The following SEZ6L variants were observed in gnomAD, a reference collection of about 807,000 sequenced individuals.
SEZ6L encodes the protein seizure related 6 homolog like, also known as seizure 6-like protein.
A neutral mutation model predicts 106.2 loss-of-function variants in SEZ6L; 37 were observed. That is an observed-to-expected ratio of 0.35 (90% CI 0.27 to 0.46). The LOEUF is 0.46. Ranked by LOEUF, SEZ6L falls within the 20% of genes least tolerant of loss-of-function variation. SEZ6L has a pLI of 1.00. For missense variants in SEZ6L, 1,172 were observed against 1,332.8 expected (o/e 0.88, Z 1.88); for synonymous variants, 541 against 570.4 (o/e 0.95, Z 0.73).
At chr22:26,321,518 G>A (rs1179321832) in intron 9 of SEZ6L, among the ~76,000 whole-genome samples, 2 of 152,184 alleles carry the variant, frequency 1.3e-5, no homozygotes, top group African/African-American at 2.4e-5. Context: ...CGAGGCTCAC[G>A]CCGACAAGCT....
intron 6 of SEZ6L, among the ~76,000 whole-genome samples, chr22:26,307,809 C>T (rs2081681862): frequency 1.3e-5 from 2 of 152,154 alleles, no homozygotes; most frequent in Admixed American, 1.3e-4. Context: ...TAAGTTTATA[C>T]TAGACAACAA....
intron 9 of SEZ6L, among the ~76,000 whole-genome samples, chr22:26,332,895 C>T (rs1310921176): frequency 2.6e-5 from 4 of 152,204 alleles, no homozygotes; most frequent in South Asian, 2.1e-4. Context: ...CATCAAAAGA[C>T]GTAGGTTTGA....
At chr22:26,245,603 G>C (rs2145781400) in intron 1 of SEZ6L, among the ~76,000 whole-genome samples, 1 of 152,234 alleles carries the variant, frequency 6.6e-6, no homozygotes, top group South Asian at 2.1e-4. Flanking sequence ...ACAATGCCTG[G>C]GTCAGGGTAA....
chr22:26,215,174 C>T (rs552497531), intron 1 of SEZ6L, among the ~76,000 whole-genome samples: 1 of 152,292 alleles, frequency 6.6e-6, no homozygotes, highest in African/African-American at 2.4e-5. Context: ...TTGTTTTAAT[C>T]ATGATGTTAA....
At chr22:26,252,091 T>C (rs1371006828) in intron 1 of SEZ6L, among the ~76,000 whole-genome samples, 1 of 152,132 alleles carries the variant, frequency 6.6e-6, no homozygotes, top group Non-Finnish European at 1.5e-5. Flanking sequence ...TGGGAGCTAG[T>C]TAGAAATGCA....
At position 26,377,776 on chromosome 22, in the gene SEZ6L, G is replaced by T; in HGVS notation, c.3045+1G>T. ...TGACAACCCCATTTACGAGACAGGG[G>T]TGAGTTGGTCTCTCTCGTCTCTTCC... On this transcript the variant is annotated splice_donor_variant, in intron 16 of 16. Coordinates refer to ENST00000248933, the MANE Select transcript of SEZ6L (RefSeq NM_021115.5). LOFTEE classifies it high-confidence loss of function. 6.2e-7 allele frequency: 1 copy of T among 1,604,566 alleles called. No homozygotes were observed. Among genetic ancestry groups the T allele is most frequent in the Non-Finnish European group, 8.5e-7 (1 of 1,171,370 alleles).
In SEZ6L at chr22:26,310,806, G is replaced by T; in HGVS notation, c.1651G>T (p.Ala551Ser). ...RIEFTSDQARAASTFNIRFEA... is the reference protein window; with the variant it reads ...RIEFTSDQARSASTFNIRFEA... ...CGAGTTCACGTCCGACCAGGCCCGG[G>T]CGGCCTCCACCTTCAACATCCGATT... Residue 551 changes from alanine (A) to serine (S), a missense_variant, in exon 7 of 17, where the codon GCG (alanine) becomes TCG (serine). Physicochemically the swap from Ala to Ser is moderately conservative, Grantham distance 99. Around this residue, in one of 4 missense-constraint regions of SEZ6L, gnomAD observed 534 missense variants for 691.0 expected, o/e 0.77. Coordinates refer to ENST00000248933, the MANE Select transcript of SEZ6L (RefSeq NM_021115.5). The T allele has an allele frequency of 6.2e-7, 1 of 1,614,112 alleles. No individual in the cohort carries two copies. Among genetic ancestry groups the T allele is most frequent in the Non-Finnish European group, 8.5e-7 (1 of 1,180,014 alleles).
chr22:26,283,943 G>T lies in SEZ6L; in HGVS notation c.95-8463G>T, dbSNP rs117013894. 5.4e-4 allele frequency among the ~76,000 whole-genome samples: 82 copies of T among 152,328 alleles called. 1 individual carries two copies. In the East Asian group the frequency reaches 0.015, roughly 28 times the overall value. ...TTGATTGACTGAAATATTTCAAAAT[G>T]TGTTACTCAGTAAGTTACAGAACAA... On this transcript the variant is annotated intron_variant, in intron 1 of 16. Coordinates refer to ENST00000248933, the MANE Select transcript of SEZ6L (RefSeq NM_021115.5).
At chr22:26,244,199 T>C (rs1242491905) in intron 1 of SEZ6L, 1 of 138,308 alleles carries the variant, frequency 7.2e-6, no homozygotes, top group East Asian at 2.6e-4. Flanking sequence ...AGTAGAAAAA[T>C]GAGCAGGGTG....
At chr22:26,287,785 A>G (rs969340885) in intron 1 of SEZ6L, among the ~76,000 whole-genome samples, 1 of 152,226 alleles carries the variant, frequency 6.6e-6, no homozygotes, top group Non-Finnish European at 1.5e-5. Context: ...CCACAGATGC[A>G]TATCATCTGT....
chr22:26,283,435 A>C (rs545292748), intron 1 of SEZ6L, among the ~76,000 whole-genome samples: 83 of 152,342 alleles, frequency 5.4e-4, no homozygotes, highest in African/African-American at 1.9e-3. Flanking sequence ...TCGAAAGCCC[A>C]CGGCTTCTAA....
chr22:26,240,682 G>A (rs1340922326), intron 1 of SEZ6L, among the ~76,000 whole-genome samples: 4 of 152,140 alleles, frequency 2.6e-5, no homozygotes, highest in African/African-American at 9.7e-5. Context: ...CACCTACTGT[G>A]TGCCAGGTAC....
Position 26,356,702 on chromosome 22 carries a change from C to G in SEZ6L, c.2599+5459C>G, listed in dbSNP as rs556472994. Among the ~76,000 whole-genome samples, 189 of 150,846 alleles carry G rather than the reference C, an allele frequency of 1.3e-3. 2 individuals carry two copies. Among genetic ancestry groups the G allele is most frequent in the African/African-American group, 4.0e-3 (164 of 41,026 alleles). On this transcript the variant is annotated intron_variant, in intron 12 of 16. Coordinates refer to ENST00000248933, the MANE Select transcript of SEZ6L (RefSeq NM_021115.5). Reference sequence around the variant, plus strand: ...ATAATAATAATAATAATGACAATTGCTGCTACGAGGATGTGTATACCCGTT... The same window carrying G: ...ATAATAATAATAATAATGACAATTGGTGCTACGAGGATGTGTATACCCGTT...
At chr22:26,190,285 A>G (rs946901815) in intron 1 of SEZ6L, among the ~76,000 whole-genome samples, 1 of 152,192 alleles carries the variant, frequency 6.6e-6, no homozygotes, top group Admixed American at 6.5e-5. Context: ...GTAAAGTTAC[A>G]TGAGGTTATT....
Position 26,383,047 on chromosome 22 carries a change from T to C in SEZ6L, c.*2752T>C, listed in dbSNP as rs1243153079. ...AAAAATGCACACACTCAACCCTCTT[T>C]AGCTTGGAGCTCAGCTTTTTGCTTT... On this transcript the variant is annotated 3_prime_UTR_variant, in exon 17 of 17. Transcript: ENST00000248933. 1 of 151,332 alleles carries C rather than the reference T, an allele frequency of 6.6e-6. No individual in the cohort carries two copies. The highest frequency in any genetic ancestry group is 2.4e-5 in the African/African-American group (1 of 41,184). 9.4% of individuals were successfully genotyped at this position (151,332 alleles called of 1,614,324 possible). A position where few individuals can be genotyped will look rare whatever the true frequency, so the allele number is the denominator to read the frequency against.
chr22:26,172,583 G>A (rs897598515), intron 1 of SEZ6L, among the ~76,000 whole-genome samples: 2 of 152,114 alleles, frequency 1.3e-5, no homozygotes, highest in African/African-American at 4.8e-5. Flanking sequence ...CTCCACTAGG[G>A]GCGCTCCAAG....
intron 1 of SEZ6L, among the ~76,000 whole-genome samples, chr22:26,276,937 T>C (rs543928168): frequency 6.6e-6 from 1 of 152,254 alleles, no homozygotes; most frequent in African/African-American, 2.4e-5. Context: ...ACGAGGAAGA[T>C]GGATGCAGGG....
At chr22:26,296,008 G>A (rs1295734951) in intron 3 of SEZ6L, among the ~76,000 whole-genome samples, 1 of 152,208 alleles carries the variant, frequency 6.6e-6, no homozygotes, top group African/African-American at 2.4e-5. Context: ...AGAAGAGCTT[G>A]TGGGTAAGGC....
At chr22:26,262,721 G>A (rs2080055165) in intron 1 of SEZ6L, among the ~76,000 whole-genome samples, 1 of 152,178 alleles carries the variant, frequency 6.6e-6, no homozygotes, top group Admixed American at 6.5e-5. Context: ...GACGGGAGAA[G>A]GAGGACCAGC....
Sources: gnomAD v4.1 joint callset for allele counts (sites outside exome capture counted in the v4.1 genomes callset) on GRCh38, gnomAD v4.1.1 for gene constraint, gnomAD v4.1.1 regional missense constraint, MANE v1.5 for transcripts, NCBI Gene and HGNC (gene_info 2026-07-23, HGNC 2026-07-21) for gene names.